The following SLC25A21 variants were observed in gnomAD, a reference collection of about 807,000 sequenced individuals.
SLC25A21 encodes mitochondrial 2-oxodicarboxylate carrier.
Under a neutral mutation model 43.8 loss-of-function variants are expected in SLC25A21, and 47 were observed. That is an observed-to-expected ratio of 1.07 (90% CI 0.85 to 1.37). The LOEUF (loss-of-function observed/expected upper bound fraction) is 1.37. Among genes scored for constraint, SLC25A21 ranks in the 40% most tolerant of loss-of-function variants. SLC25A21 has a pLI of 0.00. For missense variants in SLC25A21, 352 were observed against 350.2 expected (o/e 1.00, Z -0.04); for synonymous variants, 131 against 121.3 (o/e 1.08, Z -0.52).
intron 1 of SLC25A21, among the ~76,000 whole-genome samples, chr14:37,052,162 G>A (rs1233450076): frequency 6.6e-6 from 1 of 152,136 alleles, no homozygotes; most frequent in Admixed American, 6.5e-5. Flanking sequence ...GGATAAAAGC[G>A]GAATTCACAG....
chr14:36,699,123 T>A (rs1883168692), intron 7 of SLC25A21, among the ~76,000 whole-genome samples: 1 of 151,860 alleles, frequency 6.6e-6, no homozygotes, highest in Admixed American at 6.6e-5. Flanking sequence ...TGACCTTTTT[T>A]TTTTTTTTAA....
At chr14:36,952,201 A>T (rs1892828874) in intron 1 of SLC25A21, 1 of 153,502 alleles carries the variant, frequency 6.5e-6, no homozygotes, top group Non-Finnish European at 1.5e-5. Flanking sequence ...ACTGCACTCC[A>T]GCCTGGGCAA....
chr14:36,731,187 A>G (rs557201783), intron 4 of SLC25A21, among the ~76,000 whole-genome samples: 3 of 152,086 alleles, frequency 2.0e-5, no homozygotes, highest in Non-Finnish European at 4.4e-5. Context: ...GTTAGCCAGG[A>G]TGGTCTCGAT....
chr14:37,134,399 T>A (rs1963442058), intron 1 of SLC25A21, among the ~76,000 whole-genome samples: 1 of 152,128 alleles, frequency 6.6e-6, no homozygotes, highest in Non-Finnish European at 1.5e-5. Flanking sequence ...ATGGCAGAGT[T>A]ATTACTAGAA....
intron 1 of SLC25A21, among the ~76,000 whole-genome samples, chr14:37,140,185 T>C (rs1294828952): frequency 1.3e-5 from 2 of 152,238 alleles, no homozygotes; most frequent in African/African-American, 2.4e-5. Context: ...TTTCTGCTTA[T>C]ATCCCGAAGT....
chr14:36,746,046 A>G (rs1364482064), intron 3 of SLC25A21, among the ~76,000 whole-genome samples: 1 of 152,206 alleles, frequency 6.6e-6, no homozygotes, highest in Non-Finnish European at 1.5e-5. Flanking sequence ...AACAGGATGG[A>G]GATTTCACAG....
At chr14:36,888,707 A>T (rs1418234795) in intron 1 of SLC25A21, among the ~76,000 whole-genome samples, 1 of 152,308 alleles carries the variant, frequency 6.6e-6, no homozygotes, top group Admixed American at 6.5e-5. Context: ...CATTAGATGT[A>T]CAGAAACAGG....
At position 36,999,580 on chromosome 14, in the gene SLC25A21, G is replaced by A. The variant is rs985482917; in HGVS notation, c.71-124576C>T. On this transcript the variant is annotated intron_variant, in intron 1 of 9. Coordinates refer to ENST00000331299, the MANE Select transcript of SLC25A21 (RefSeq NM_030631.4). ...AAATGTACAAGTGGGCAGGGGTGAT[G>A]TTGATACCAGGGAAGGCTATGCATG... 2.6e-5 allele frequency among the ~76,000 whole-genome samples: 4 copies of A among 152,294 alleles called. No individual in the cohort carries two copies. The East Asian group carries it at 5.8e-4, about 22-fold the overall frequency.
chr14:37,009,274 G>A (rs565244496), intron 1 of SLC25A21, among the ~76,000 whole-genome samples: 1 of 152,262 alleles, frequency 6.6e-6, no homozygotes, highest in South Asian at 2.1e-4. Context: ...AATCATATGA[G>A]GTCAGGAGTT....
chr14:37,082,641 A>G (rs1962411177), intron 1 of SLC25A21, among the ~76,000 whole-genome samples: 1 of 152,164 alleles, frequency 6.6e-6, no homozygotes, highest in Admixed American at 6.5e-5. Context: ...ATATTCAAAA[A>G]ATGTTAGTTC....
chr14:36,852,003 A>G (rs1282842859), intron 2 of SLC25A21, among the ~76,000 whole-genome samples: 1 of 152,208 alleles, frequency 6.6e-6, no homozygotes, highest in Non-Finnish European at 1.5e-5. Context: ...TAATGAAAAC[A>G]CCATTACATT....
chr14:36,993,616 G>A (rs1198935107), intron 1 of SLC25A21, among the ~76,000 whole-genome samples: 1 of 152,106 alleles, frequency 6.6e-6, no homozygotes, highest in Non-Finnish European at 1.5e-5. Context: ...TTTTGATTGA[G>A]GTTGTACCAA....
chr14:37,005,300 T>G lies in SLC25A21; in HGVS notation c.71-130296A>C, dbSNP rs547128842. The stretch of plus-strand genomic sequence containing the variant: ...GGATTCCATTGCATTTGGACATGCA[T>G]CCGCAGGAAGCTCAGGCAGCTCTTC... On this transcript the variant is annotated intron_variant, in intron 1 of 9. Transcript: ENST00000331299. 1.5e-3 allele frequency among the ~76,000 whole-genome samples: 215 copies of G among 143,920 alleles called. 1 individual carries two copies. The highest frequency in any genetic ancestry group is 5.1e-3 in the African/African-American group (205 of 40,028). The allele number at this position is 143,920 out of a possible 152,430, so 94.4% of individuals were successfully genotyped here. A position where few individuals can be genotyped will look rare whatever the true frequency, so the allele number is the denominator to read the frequency against.
intron 1 of SLC25A21, among the ~76,000 whole-genome samples, chr14:37,055,522 T>C (rs567242472): frequency 5.9e-5 from 9 of 152,256 alleles, no homozygotes; most frequent in Admixed American, 4.6e-4. Flanking sequence ...TTCTTATGAC[T>C]TGGGAGCCTT....
At chr14:37,077,248 G>A (rs1359771408) in intron 1 of SLC25A21, among the ~76,000 whole-genome samples, 4 of 152,138 alleles carry the variant, frequency 2.6e-5, no homozygotes, top group East Asian at 1.9e-4. Flanking sequence ...AGAAGACTTT[G>A]TATTACTTCA....
At chr14:36,772,385 T>C (rs1373315783) in intron 3 of SLC25A21, among the ~76,000 whole-genome samples, 1 of 152,236 alleles carries the variant, frequency 6.6e-6, no homozygotes, top group African/African-American at 2.4e-5. Context: ...GCTTCTGGCT[T>C]TTTCCAAGAA....
chr14:36,910,140 A>G (rs1891646100), intron 1 of SLC25A21, among the ~76,000 whole-genome samples: 1 of 152,282 alleles, frequency 6.6e-6, no homozygotes, highest in Middle Eastern at 3.4e-3. Context: ...TACCTTACAT[A>G]TTTATAAAAA....
At chr14:36,907,577 T>C (rs991724374) in intron 1 of SLC25A21, among the ~76,000 whole-genome samples, 4 of 152,188 alleles carry the variant, frequency 2.6e-5, no homozygotes, top group African/African-American at 9.6e-5. Flanking sequence ...TTTTGGTCTT[T>C]ATAAGATTCC....
intron 1 of SLC25A21, among the ~76,000 whole-genome samples, chr14:36,922,523 T>C (rs1892009162): frequency 7.5e-6 from 1 of 132,502 alleles, no homozygotes; most frequent in Non-Finnish European, 1.6e-5. Context: ...GCTTCAGAAA[T>C]CCTCATAAAG....
Sources: allele counts gnomAD v4.1 joint callset (sites outside exome capture counted in the v4.1 genomes callset), GRCh38; gene constraint gnomAD v4.1.1; transcripts MANE v1.5; gene names NCBI Gene and HGNC (gene_info 2026-07-23, HGNC 2026-07-21).